FRMD4B: variants seen among roughly 807,000 people sequenced by gnomAD.
The protein encoded by FRMD4B is FERM domain containing 4B.
FRMD4B carries 74 observed loss-of-function variants against 141.5 expected under a neutral mutation model. The ratio of observed to expected loss-of-function variants is 0.52; its 90% CI spans 0.43 to 0.63. The LOEUF (loss-of-function observed/expected upper bound fraction) is 0.63. Among genes scored for constraint, FRMD4B ranks in the 30% least tolerant of loss-of-function variants. The pLI, the probability that FRMD4B is intolerant of heterozygous loss-of-function variation, is 0.00. For missense variants in FRMD4B, 1,366 were observed against 1,253.4 expected (o/e 1.09, Z -1.36); for synonymous variants, 506 against 467.9 (o/e 1.08, Z -1.05).
chr3:69,427,935 C>T (rs745416758), intron 2 of FRMD4B, among the ~76,000 whole-genome samples: 9 of 151,428 alleles, frequency 5.9e-5, no homozygotes, highest in Admixed American at 3.3e-4. Flanking sequence ...GGATTACAGG[C>T]GGCGTGAGCC....
chr3:69,333,115 T>C (rs1405234273), intron 1 of FRMD4B, among the ~76,000 whole-genome samples: 1 of 152,134 alleles, frequency 6.6e-6, no homozygotes, highest in Non-Finnish European at 1.5e-5. Flanking sequence ...TCCATCGTTA[T>C]GGTCTTGGCT....
chr3:69,453,527 C>T (rs1366800126), intron 1 of FRMD4B, among the ~76,000 whole-genome samples: 1 of 152,216 alleles, frequency 6.6e-6, no homozygotes, highest in African/African-American at 2.4e-5. Flanking sequence ...GCTAGCCAAA[C>T]TCTGGCTCTC....
At chr3:69,532,096 G>A (rs183592026) in intron 1 of FRMD4B, among the ~76,000 whole-genome samples, 1 of 152,256 alleles carries the variant, frequency 6.6e-6, no homozygotes, top group African/African-American at 2.4e-5. Context: ...CAGTCTAAGG[G>A]CACATGGTTT....
At chr3:69,294,919 T>C (rs12330799) in intron 4 of FRMD4B, among the ~76,000 whole-genome samples, 2,997 of 152,198 alleles carry the variant, frequency 0.02, 112 homozygotes, top group African/African-American at 0.069. Context: ...TGATAAGATC[T>C]TTCACCCAGT....
intron 4 of FRMD4B, among the ~76,000 whole-genome samples, chr3:69,290,085 A>C (rs1445884877): frequency 1.3e-5 from 2 of 152,110 alleles, no homozygotes; most frequent in African/African-American, 4.8e-5. Context: ...GGTAGACAGT[A>C]TTCTCCTCTC....
At chr3:69,436,882 G>A (rs1215543325) in intron 1 of FRMD4B, among the ~76,000 whole-genome samples, 1 of 152,198 alleles carries the variant, frequency 6.6e-6, no homozygotes, top group African/African-American at 2.4e-5. Context: ...CTTACATGGA[G>A]TGATTAGTAT....
chr3:69,497,799 C>T (rs2107050829), intron 1 of FRMD4B, among the ~76,000 whole-genome samples: 1 of 152,244 alleles, frequency 6.6e-6, no homozygotes, highest in East Asian at 1.9e-4. Context: ...TGGTGCACTG[C>T]AGTCTCAAAC....
At chr3:69,362,186 A>C (rs576204115) in intron 1 of FRMD4B, among the ~76,000 whole-genome samples, 38 of 152,318 alleles carry the variant, frequency 2.5e-4, no homozygotes, top group Non-Finnish European at 4.9e-4. Context: ...TTTATTATAA[A>C]TATAAACTCC....
chr3:69,502,998 C>T (rs1225333710), intron 1 of FRMD4B, among the ~76,000 whole-genome samples: 1 of 152,124 alleles, frequency 6.6e-6, no homozygotes, highest in South Asian at 2.1e-4. Context: ...GCATCTCATA[C>T]CAGTTAGAAT....
Position 69,344,339 on chromosome 3 carries a change from G to A in FRMD4B, c.163-30822C>T, listed in dbSNP as rs77363506. Among the ~76,000 whole-genome samples, 1,239 of 152,272 alleles carry A rather than the reference G, an allele frequency of 8.1e-3. 25 individuals are homozygous for A. Among genetic ancestry groups the A allele is most frequent in the African/African-American group, 0.028 (1,165 of 41,534 alleles). ...AATATCAGTGGAAAGGAAGAAAGAA[G>A]GGGGAGAAAAAGGACAGAAGGAGGG... On this transcript the variant is annotated intron_variant, in intron 1 of 22. Coordinates refer to ENST00000398540, the MANE Select transcript of FRMD4B (RefSeq NM_015123.3).
intron 8 of FRMD4B, among the ~76,000 whole-genome samples, chr3:69,223,963 A>C (rs2093224186): frequency 6.6e-6 from 1 of 152,234 alleles, no homozygotes; most frequent in Non-Finnish European, 1.5e-5. Context: ...ACTTCATACT[A>C]AATGTCTCAA....
chr3:69,194,004 T>C, intron 16 of FRMD4B, 131 bp from the exon 17 acceptor site: 1 of 625,806 alleles, frequency 1.6e-6, no homozygotes, highest in Non-Finnish European at 2.8e-6. Flanking sequence ...TCCCAACTTT[T>C]ACTGCATAGA....
chr3:69,378,103 A>G (rs1161938778), intron 1 of FRMD4B, among the ~76,000 whole-genome samples: 1 of 151,892 alleles, frequency 6.6e-6, no homozygotes, highest in Non-Finnish European at 1.5e-5. Flanking sequence ...TACAGGCTTC[A>G]GTCACCAATC....
rs561862445 is a variant in FRMD4B at position 69,480,773 on chromosome 3, T to C, written c.-128-48012A>G. On this transcript the variant is annotated intron_variant, in intron 1 of 5. Coordinates refer to the FRMD4B transcript ENST00000459638. ...CAGGGACATTTAAGTCTGCAGAGGT[T>C]ACTGCTGTCTTTTTGTTTGTCTCTG... 2.6e-4 allele frequency among the ~76,000 whole-genome samples: 39 copies of C among 152,374 alleles called. 1 individual carries two copies. Among genetic ancestry groups the C allele is most frequent in the African/African-American group, 9.4e-4 (39 of 41,594 alleles).
At chr3:69,272,140 T>C (rs2093597221) in intron 5 of FRMD4B, among the ~76,000 whole-genome samples, 1 of 151,808 alleles carries the variant, frequency 6.6e-6, no homozygotes, top group Admixed American at 6.6e-5. Flanking sequence ...TCACAAGTCT[T>C]TTATTTATTT....
intron 22 of FRMD4B, among the ~76,000 whole-genome samples, chr3:69,173,138 T>C (rs1476710180): frequency 6.6e-6 from 1 of 152,028 alleles, no homozygotes; most frequent in Non-Finnish European, 1.5e-5. Flanking sequence ...TTTTGCCTAG[T>C]AATAGAGTTA....
intron 5 of FRMD4B, among the ~76,000 whole-genome samples, chr3:69,255,538 C>T (rs1197179190): frequency 2.0e-5 from 3 of 151,578 alleles, no homozygotes; most frequent in Non-Finnish European, 2.9e-5. Flanking sequence ...AAGCAAGACC[C>T]CATCTCTTAA....
intron 1 of FRMD4B, among the ~76,000 whole-genome samples, chr3:69,361,519 A>G (rs1318888759): frequency 2.6e-5 from 4 of 152,214 alleles, no homozygotes; most frequent in African/African-American, 9.7e-5. Context: ...CCTACCTCCC[A>G]TAACAACCAC....
chr3:69,408,660 G>A (rs1389572640), intron 2 of FRMD4B, among the ~76,000 whole-genome samples: 5 of 152,082 alleles, frequency 3.3e-5, no homozygotes, highest in Admixed American at 6.6e-5. Flanking sequence ...GGGCTTGGTA[G>A]GGGGAGTGGG....
Sources: gnomAD v4.1 joint callset for allele counts (sites outside exome capture counted in the v4.1 genomes callset) on GRCh38, gnomAD v4.1.1 for gene constraint, MANE v1.5 for transcripts, NCBI Gene and HGNC (gene_info 2026-07-23, HGNC 2026-07-21) for gene names.